The following TNFAIP8L3 variants were observed in gnomAD, a reference collection of about 807,000 sequenced individuals.
The protein encoded by TNFAIP8L3 is TNF alpha induced protein 8 like 3.
In TNFAIP8L3, 7 loss-of-function variants were observed where a neutral mutation model predicts 11.8. The observed-to-expected ratio is 0.59, with a 90% confidence interval of 0.34 to 1.11. The LOEUF (loss-of-function observed/expected upper bound fraction) is 1.11, where lower values mean the gene tolerates loss of function less well. Ranked by LOEUF, TNFAIP8L3 falls within the 50% of genes most tolerant of loss-of-function variation. The pLI, the probability that TNFAIP8L3 is intolerant of heterozygous loss-of-function variation, is 0.03. For synonymous variants in TNFAIP8L3, 98 were observed against 103.8 expected, an observed-to-expected ratio of 0.94 and a Z score of 0.34; for missense variants, 219 against 258.6, an observed-to-expected ratio of 0.85 and a Z score of 1.05.
chr15:51,078,300 G>T (rs1427514088), intron 1 of TNFAIP8L3, among the ~76,000 whole-genome samples: 1 of 142,858 alleles, frequency 7.0e-6, no homozygotes. Flanking sequence ...TATAAGCGGG[G>T]GCGGGGGGTT....
rs57584983 is a variant in TNFAIP8L3, at chr15:51,059,916, C to T, written c.53-1473G>A. Among the ~76,000 whole-genome samples the T allele has an allele frequency of 4.5e-3, 681 of 152,332 alleles. 27 individuals carry two copies. In the East Asian group the frequency reaches 0.089, roughly 20 times the overall value. ...TTCTGGGTCAGCAGAACTAAAGCAGCGAGCACCAGGGGCCTTCCACAGTCC... is the reference window on the plus strand; with the variant it reads ...TTCTGGGTCAGCAGAACTAAAGCAGTGAGCACCAGGGGCCTTCCACAGTCC... On this transcript the variant is annotated intron_variant, in intron 1 of 1. Coordinates refer to ENST00000637513, the MANE Select transcript of TNFAIP8L3 (RefSeq NM_001311175.2).
intron 1 of TNFAIP8L3, among the ~76,000 whole-genome samples, chr15:51,091,957 G>A (rs1217712786): frequency 1.3e-5 from 2 of 152,106 alleles, no homozygotes; most frequent in South Asian, 4.1e-4. Flanking sequence ...AACACCTCTC[G>A]TGTTATTATA....
chr15:51,103,794 T>A lies in TNFAIP8L3; in HGVS notation c.172+1211A>T, dbSNP rs564807436. ...TCCTCCACATTCCTGTAACTCATACTTTAACTTCTCTTGATGAAATTCGTA... is the reference window on the plus strand; with the variant it reads ...TCCTCCACATTCCTGTAACTCATACATTAACTTCTCTTGATGAAATTCGTA... On this transcript the variant is annotated intron_variant, in intron 1 of 2. Transcript: ENST00000327536. Among the ~76,000 whole-genome samples the A allele has an allele frequency of 5.4e-4, 82 of 152,362 alleles. 1 individual carries two copies. Among genetic ancestry groups the A allele is most frequent in the Non-Finnish European group, 8.2e-4 (56 of 68,034 alleles).
chr15:51,080,357 G>A (rs1233382886), intron 1 of TNFAIP8L3, among the ~76,000 whole-genome samples: 2 of 152,020 alleles, frequency 1.3e-5, no homozygotes, highest in African/African-American at 4.8e-5. Context: ...GTTCGTAGCA[G>A]AATAGAAAGT....
At chr15:51,098,506 A>G (rs145210483), upstream of TNFAIP8L3, among the ~76,000 whole-genome samples, 5 of 152,336 alleles carry the variant, frequency 3.3e-5, no homozygotes, top group African/African-American at 9.6e-5. Context: ...AGCAGGGTCC[A>G]AGCTAGCTTG....
rs368205480 is a variant in TNFAIP8L3, at chr15:51,057,593, G to A, written c.*288C>T. 2.4e-4 allele frequency: 67 copies of A among 274,204 alleles called. No individual in the cohort carries two copies. Among genetic ancestry groups the A allele is most frequent in the African/African-American group, 2.0e-4 (9 of 45,550 alleles). The allele number at this position is 274,204 out of a possible 1,614,324, so 17.0% of individuals were successfully genotyped here. A position where few individuals can be genotyped will look rare whatever the true frequency, so the allele number is the denominator to read the frequency against. ...TGGTTTAGTGCTCCTCCCACTCCAT[G>A]AGATGAACAGCACTCACTGTAATGA... On this transcript the variant is annotated 3_prime_UTR_variant, in exon 2 of 2. Transcript: ENST00000637513.
intron 1 of TNFAIP8L3, among the ~76,000 whole-genome samples, chr15:51,082,911 A>G (rs1476335895): frequency 2.0e-5 from 3 of 152,354 alleles, no homozygotes; most frequent in African/African-American, 7.2e-5. Flanking sequence ...ACCTGACTGT[A>G]TAATTTTATA....
chr15:51,064,892 C>T (rs950477031), intron 1 of TNFAIP8L3: 2 of 152,158 alleles, frequency 1.3e-5, no homozygotes, highest in Admixed American at 6.5e-5. Flanking sequence ...GGAAACAGGC[C>T]TAACTAGTGG....
At chr15:51,089,549 C>T (rs2065451932) in intron 1 of TNFAIP8L3, among the ~76,000 whole-genome samples, 3 of 152,268 alleles carry the variant, frequency 2.0e-5, no homozygotes, top group Admixed American at 6.5e-5. Flanking sequence ...TGAACTGTGT[C>T]CTTATCTCTC....
At position 51,094,492 on chromosome 15, in the gene TNFAIP8L3, C is replaced by A; in HGVS notation, c.52+52G>T. 1 of 1,419,508 alleles carries A rather than the reference C, an allele frequency of 7.0e-7. No homozygotes were observed. Among genetic ancestry groups the A allele is most frequent in the Non-Finnish European group, 9.2e-7 (1 of 1,088,756 alleles). 87.9% of individuals were successfully genotyped at this position (1,419,508 alleles called of 1,614,324 possible). ...TTCCCGATTTCATGCCCCAGCCTCC[C>A]GTCCTCCCCAGCCCCAGCCCACCCG... is the stretch of plus-strand genomic sequence containing the variant. On this transcript the variant is annotated intron_variant, in intron 1 of 1. Transcript: ENST00000637513. The surrounding 1 kb of genome is among the most constrained non-coding windows in gnomAD (Gnocchi z 4.4).
upstream of TNFAIP8L3, among the ~76,000 whole-genome samples, chr15:51,095,431 G>GAGGGC (rs2065507516): frequency 6.6e-6 from 1 of 152,068 alleles, no homozygotes; most frequent in African/African-American, 2.4e-5. Context: ...TTCTGCCAGC[G>GAGGGC]AGGGCAGGGC....
chr15:51,096,065 TG>T (rs1003693303), upstream of TNFAIP8L3, among the ~76,000 whole-genome samples: 1 of 152,140 alleles, frequency 6.6e-6, no homozygotes, highest in Admixed American at 6.5e-5. Context: ...ATTTTACAGA[TG>T]GGAAAAGTCT....
intron 1 of TNFAIP8L3, among the ~76,000 whole-genome samples, chr15:51,090,310 C>T (rs2065458894): frequency 6.6e-6 from 1 of 152,212 alleles, no homozygotes; most frequent in African/African-American, 2.4e-5. Flanking sequence ...TTCCATCTTG[C>T]CTTAGTGCCA....
In TNFAIP8L3 at chr15:51,094,479, T is replaced by C; in HGVS notation, c.52+65A>G. ...GCTGAGGATCGGCTTCCCGATTTCA[T>C]GCCCCAGCCTCCCGTCCTCCCCAGC... is the stretch of plus-strand genomic sequence containing the variant. On this transcript the variant is annotated intron_variant, in intron 1 of 1. Coordinates refer to ENST00000637513, the MANE Select transcript of TNFAIP8L3 (RefSeq NM_001311175.2). The surrounding 1 kb of genome is among the most constrained non-coding windows in gnomAD (Gnocchi z 4.4). 7.2e-7 allele frequency: 1 copy of C among 1,388,814 alleles called. No homozygotes were observed. Among genetic ancestry groups the C allele is most frequent in the Non-Finnish European group, 9.3e-7 (1 of 1,071,072 alleles). The allele number at this position is 1,388,814 out of a possible 1,614,324, so 86.0% of individuals were successfully genotyped here.
intron 1 of TNFAIP8L3, among the ~76,000 whole-genome samples, chr15:51,071,501 CAGA>C (rs1263866667): frequency 2.0e-5 from 3 of 152,214 alleles, no homozygotes; most frequent in Non-Finnish European, 1.5e-5. Context: ...AAATTTCACA[CAGA>C]AGGTGTCATA....
chr15:51,097,854 TG>T (rs35638055), upstream of TNFAIP8L3, among the ~76,000 whole-genome samples: 12 of 151,166 alleles, frequency 7.9e-5, no homozygotes, highest in African/African-American at 1.9e-4. Flanking sequence ...ATATTTCTTG[TG>T]GGGGGGGAAA....
chr15:51,058,465 TA>T (rs2065221449), intron 1 of TNFAIP8L3, 22 bp from the exon 2 acceptor site: 4 of 1,456,960 alleles, frequency 2.7e-6, no homozygotes, highest in Non-Finnish European at 3.6e-6. Context: ...AAAATATATA[TA>T]AAAGTTTTAG....
rs957699338 is a variant in TNFAIP8L3 at position 51,094,212 on chromosome 15, A to T, written c.52+332T>A. Reference sequence around the variant, plus strand: ...CCCGCGCTCGGAAAGTTATTTCAAAAGGCAGATGTGTTGCAACCCTCTCTG... The same window carrying T: ...CCCGCGCTCGGAAAGTTATTTCAAATGGCAGATGTGTTGCAACCCTCTCTG... On this transcript the variant is annotated intron_variant, in intron 1 of 1. Coordinates refer to ENST00000637513, the MANE Select transcript of TNFAIP8L3 (RefSeq NM_001311175.2). The surrounding 1 kb of genome is among the most constrained non-coding windows in gnomAD (Gnocchi z 4.4). Among the ~76,000 whole-genome samples, 2 of 152,198 alleles carry T rather than the reference A, an allele frequency of 1.3e-5. No homozygotes were observed.
At chr15:51,076,811 C>G (rs1429786725) in intron 1 of TNFAIP8L3, among the ~76,000 whole-genome samples, 1 of 152,212 alleles carries the variant, frequency 6.6e-6, no homozygotes, top group East Asian at 1.9e-4. Context: ...CTGCTGGTTT[C>G]TGGGTCTGTT....
Sources: allele counts gnomAD v4.1 joint callset (sites outside exome capture counted in the v4.1 genomes callset), GRCh38; gene constraint gnomAD v4.1.1; non-coding constraint Gnocchi (gnomAD v3.1); transcripts MANE v1.5; gene names NCBI Gene and HGNC (gene_info 2026-07-23, HGNC 2026-07-21).